Variants in PDLIM2 observed in about 807,000 individuals in gnomAD.
PDLIM2 encodes PDZ and LIM domain 2, also known as PDZ and LIM domain protein 2.
PDLIM2 carries 51 observed loss-of-function variants against 54.1 expected under a neutral mutation model. That is an observed-to-expected ratio of 0.94 (90% confidence interval 0.75 to 1.19). The LOEUF (loss-of-function observed/expected upper bound fraction) is 1.19. Among genes scored for constraint, PDLIM2 ranks in the 50% most tolerant of loss-of-function variants. The pLI is 0.00. For missense variants in PDLIM2, 912 were observed against 874.0 expected (o/e 1.04, Z -0.55); for synonymous variants, 398 against 385.6 (o/e 1.03, Z -0.38).
intron 8 of PDLIM2, chr8:22,591,203 C>A: frequency 3.3e-6 from 1 of 301,412 alleles, no homozygotes; most frequent in Non-Finnish European, 6.4e-6. Flanking sequence ...CTTTGAAAGC[C>A]ACACCGAGGC....
At chr8:22,588,014 T>A (rs748994617) in intron 6 of PDLIM2, 1 of 152,240 alleles carries the variant, frequency 6.6e-6, no homozygotes, top group Non-Finnish European at 1.5e-5. Context: ...GCAGGGCCCA[T>A]GGTGGTCTGT....
chr8:22,589,410 T>G, intron 7 of PDLIM2, 36 bp downstream of exon 6: 2 of 1,535,366 alleles, frequency 1.3e-6, no homozygotes, highest in Non-Finnish European at 1.7e-6. Flanking sequence ...GTTGGGGTCT[T>G]GGAAGGCTGG....
chr8:22,595,966 T>G (rs982116685), downstream of PDLIM2: 2 of 153,298 alleles, frequency 1.3e-5, no homozygotes, highest in South Asian at 2.0e-4. Flanking sequence ...TTTAAGTTTT[T>G]TTTTTTTTTT....
chr8:22,580,817 C>A, intron 2 of PDLIM2, 120 bp downstream of exon 1: 1 of 1,101,224 alleles, frequency 9.1e-7, no homozygotes, highest in Non-Finnish European at 1.3e-6. Flanking sequence ...CTGCTGCTGC[C>A]TGGCGTGCTG....
At chr8:22,585,214 G>A (rs1800340955) in intron 5 of PDLIM2, 52 bp downstream of exon 4, 1 of 1,606,532 alleles carries the variant, frequency 6.2e-7, no homozygotes, top group Non-Finnish European at 8.5e-7. Context: ...CCAGCTCCAG[G>A]CTGGCTCCTC....
chr8:22,585,194 G>T, intron 5 of PDLIM2, 32 bp downstream of exon 4: 1 of 1,608,930 alleles, frequency 6.2e-7, no homozygotes. Context: ...TACCCTGGTC[G>T]CCTGCGCTGC....
At chr8:22,594,576 T>C (rs761542918), downstream of PDLIM2, 1 of 1,614,000 alleles carries the variant, frequency 6.2e-7, no homozygotes, top group Non-Finnish European at 8.5e-7. Flanking sequence ...CTGGAAGCTT[T>C]GGAGGGGATG....
chr8:22,579,294 T>A, exon 1 of PDLIM2: 1 of 1,385,608 alleles, frequency 7.2e-7, no homozygotes, highest in South Asian at 1.6e-5. Flanking sequence ...TCCGCGCCCC[T>A]GTCGGCGCGG....
downstream of PDLIM2, chr8:22,595,355 C>T (rs1166322823): frequency 6.6e-6 from 1 of 152,266 alleles, no homozygotes; most frequent in Non-Finnish European, 1.5e-5. Context: ...CCATGAGCCC[C>T]AGGCGCTGGT....
intron 9 of PDLIM2, chr8:22,592,237 A>G (rs1586930102): frequency 6.7e-6 from 1 of 148,532 alleles, no homozygotes; most frequent in African/African-American, 2.5e-5. Context: ...TCCCGCCACC[A>G]CTCCCAGCTA....
chr8:22,584,791 T>G, intron 3 of PDLIM2, 30 bp from the exon 3 acceptor site: 29 of 1,608,718 alleles, frequency 1.8e-5, no homozygotes, highest in Non-Finnish European at 2.3e-5. Context: ...AGGGCCCCTG[T>G]GACATTCCCT....
At chr8:22,578,995 C>A (rs1800110382) in exon 1 of PDLIM2, 1 of 1,242,194 alleles carries the variant, frequency 8.1e-7, no homozygotes, top group Non-Finnish European at 1.0e-6. Flanking sequence ...ATCCCCCCGG[C>A]GGGCTCGGGC....
chr8:22,590,981 CAG>C, intron 8 of PDLIM2: 1 of 160,310 alleles, frequency 6.2e-6, no homozygotes, highest in East Asian at 1.9e-4. Flanking sequence ...TGCAGAGGCA[CAG>C]GGGGTGGGGT....
At chr8:22,589,562 G>A in intron 7 of PDLIM2, 34 bp from the exon 7 acceptor site, 1 of 1,591,090 alleles carries the variant, frequency 6.3e-7, no homozygotes. Flanking sequence ...CTCCGGCACG[G>A]GACCCTCATT....
chr8:22,583,623 G>C (rs1040375135), intron 3 of PDLIM2, among the ~76,000 whole-genome samples: 4 of 151,782 alleles, frequency 2.6e-5, no homozygotes, highest in Non-Finnish European at 2.9e-5. Flanking sequence ...AAAATTAGCC[G>C]GGCATGCTAG....
At chr8:22,586,578 G>A (rs73229816) in intron 6 of PDLIM2, among the ~76,000 whole-genome samples, 2,618 of 152,128 alleles carry the variant, frequency 0.017, 21 homozygotes, top group Non-Finnish European at 0.025. Context: ...TCCGGGCGAC[G>A]GCTGATGTAT....
chr8:22,585,374 A>G, exon 6 of PDLIM2: 1 of 1,611,548 alleles, frequency 6.2e-7, no homozygotes, highest in African/African-American at 1.3e-5. Flanking sequence ...CGCCTGTCCT[A>G]CTCAGGCCGC....
At chr8:22,592,400 C>A (rs1168561512) in intron 9 of PDLIM2, 1 of 152,132 alleles carries the variant, frequency 6.6e-6, no homozygotes, top group African/African-American at 2.4e-5. Context: ...TCATTTTTCT[C>A]ATTAAGTGGC....
At chr8:22,581,637 G>C in intron 3 of PDLIM2, 107 bp downstream of exon 2, 1 of 1,378,012 alleles carries the variant, frequency 7.3e-7, no homozygotes, top group East Asian at 2.6e-5. Flanking sequence ...GCCCTAAAGC[G>C]GCCTTCTTGG....
Sources: allele counts gnomAD v4.1 joint callset (sites outside exome capture counted in the v4.1 genomes callset), GRCh38; gene constraint gnomAD v4.1.1; transcripts MANE v1.5; gene names NCBI Gene and HGNC (gene_info 2026-07-23, HGNC 2026-07-21).